Variants in EYS observed in about 807,000 individuals in gnomAD.
EYS encodes EGF-like photoreceptor maintenance factor.
EYS carries 250 observed loss-of-function variants against 282.1 expected under a neutral mutation model. The observed-to-expected ratio is 0.89, with a 90% CI of 0.80 to 0.98. The LOEUF is 0.98. Ranked by LOEUF, EYS falls within the 50% of genes least tolerant of loss-of-function variation. The pLI, the probability that EYS is intolerant of heterozygous loss-of-function variation, is 0.00. For synonymous variants in EYS, 1,355 were observed against 1,282.9 expected (o/e 1.06, Z -1.20); for missense variants, 4,016 against 3,709.0 (o/e 1.08, Z -2.15).
intron 12 of EYS, among the ~76,000 whole-genome samples, chr6:65,287,637 A>G (rs1011347099): frequency 1.1e-4 from 16 of 151,420 alleles, no homozygotes; most frequent in African/African-American, 3.9e-4. Context: ...AGATTCTGAA[A>G]AAAAACGAAA....
At chr6:64,970,290 A>G (rs969926708) in intron 14 of EYS, among the ~76,000 whole-genome samples, 1 of 152,178 alleles carries the variant, frequency 6.6e-6, no homozygotes. Context: ...CTAAGCAAAC[A>G]AACACAGATC....
At chr6:65,227,884 A>G (rs1766669788) in intron 12 of EYS, among the ~76,000 whole-genome samples, 1 of 152,134 alleles carries the variant, frequency 6.6e-6, no homozygotes, top group African/African-American at 2.4e-5. Context: ...AGAGACAGAA[A>G]ATAGAAGAGT....
intron 11 of EYS, among the ~76,000 whole-genome samples, chr6:65,320,524 G>A (rs1301684642): frequency 6.6e-6 from 1 of 152,170 alleles, no homozygotes; most frequent in Non-Finnish European, 1.5e-5. Flanking sequence ...TCACTGGGAA[G>A]AGATGCCTCT....
intron 13 of EYS, among the ~76,000 whole-genome samples, chr6:65,047,802 T>A (rs757440494): frequency 2.8e-4 from 42 of 151,874 alleles, no homozygotes; most frequent in Non-Finnish European, 5.3e-4. Context: ...AGAAATAGAA[T>A]GAGGTCTTTT....
intron 29 of EYS, among the ~76,000 whole-genome samples, chr6:64,347,182 A>C: frequency 6.6e-6 from 1 of 151,458 alleles, no homozygotes; most frequent in East Asian, 2.0e-4. Context: ...ATCAAATGAT[A>C]TTTCAGAAGT....
chr6:65,100,479 G>A (rs1774864257), intron 12 of EYS, among the ~76,000 whole-genome samples: 1 of 150,666 alleles, frequency 6.6e-6, no homozygotes, highest in South Asian at 2.1e-4. Context: ...TGCTATAATT[G>A]AGTATCACAT....
chr6:64,634,024 T>C (rs7773930), intron 22 of EYS, among the ~76,000 whole-genome samples: 90,522 of 151,984 alleles, frequency 0.6, 27,135 homozygotes, highest in South Asian at 0.69. Flanking sequence ...TGCTCTGACA[T>C]CCAGGCTGGA....
At chr6:64,758,491 C>T (rs968809755) in intron 22 of EYS, among the ~76,000 whole-genome samples, 1 of 151,986 alleles carries the variant, frequency 6.6e-6, no homozygotes, top group African/African-American at 2.4e-5. Context: ...AAAGAGTTTA[C>T]GACAATCCTC....
At chr6:64,221,420 TGG>T (rs1766098333) in intron 31 of EYS, among the ~76,000 whole-genome samples, 1 of 152,110 alleles carries the variant, frequency 6.6e-6, no homozygotes, top group Non-Finnish European at 1.5e-5. Flanking sequence ...TCTATTATCA[TGG>T]GATGATACAG....
chr6:65,522,263 C>A (rs1031211519), intron 2 of EYS, among the ~76,000 whole-genome samples: 1 of 151,970 alleles, frequency 6.6e-6, no homozygotes, highest in Non-Finnish European at 1.5e-5. Flanking sequence ...AATTATATAT[C>A]CCTCTGTAAT....
At chr6:65,121,702 T>C (rs933461962) in intron 12 of EYS, among the ~76,000 whole-genome samples, 12 of 152,168 alleles carry the variant, frequency 7.9e-5, no homozygotes, top group African/African-American at 2.9e-4. Flanking sequence ...TCTTAGAACA[T>C]TTTCTTCTCT....
chr6:63,911,481 CT>C (rs1764248267), intron 35 of EYS, among the ~76,000 whole-genome samples: 4 of 152,204 alleles, frequency 2.6e-5, no homozygotes, highest in Non-Finnish European at 5.9e-5. Flanking sequence ...GTATTCAGAA[CT>C]CCCACTGACA....
chr6:63,763,105 C>T (rs751068616), intron 40 of EYS, among the ~76,000 whole-genome samples: 44 of 151,998 alleles, frequency 2.9e-4, no homozygotes, highest in Non-Finnish European at 5.3e-4. Context: ...ACAAGTCAAA[C>T]GTGAGTGAAT....
intron 15 of EYS, among the ~76,000 whole-genome samples, chr6:64,936,435 A>T (rs968387935): frequency 6.6e-6 from 1 of 151,456 alleles, no homozygotes; most frequent in Non-Finnish European, 1.5e-5. Flanking sequence ...ATTGTACTGG[A>T]AGTTGTTGGG....
chr6:63,858,270 G>C (rs929552855), intron 36 of EYS, among the ~76,000 whole-genome samples: 1 of 152,116 alleles, frequency 6.6e-6, no homozygotes, highest in Non-Finnish European at 1.5e-5. Flanking sequence ...TATTTGGCTA[G>C]GCTGGTCTTG....
chr6:64,911,693 T>A (rs189653510), intron 16 of EYS, among the ~76,000 whole-genome samples: 9 of 152,264 alleles, frequency 5.9e-5, no homozygotes, highest in African/African-American at 1.9e-4. Context: ...ATTATGCTTA[T>A]GACACATCTA....
intron 33 of EYS, among the ~76,000 whole-genome samples, chr6:64,012,918 G>A (rs955230903): frequency 6.6e-6 from 1 of 152,158 alleles, no homozygotes; most frequent in African/African-American, 2.4e-5. Flanking sequence ...AGTACAAAGA[G>A]CTTTGTATAA....
chr6:65,429,646 C>G (rs1015045900), intron 5 of EYS, among the ~76,000 whole-genome samples: 1 of 151,980 alleles, frequency 6.6e-6, no homozygotes, highest in African/African-American at 2.4e-5. Flanking sequence ...ACACTATAAA[C>G]AAAGTGATAT....
intron 2 of EYS, among the ~76,000 whole-genome samples, chr6:65,630,165 C>T (rs1766861874): frequency 6.6e-6 from 1 of 152,204 alleles, no homozygotes; most frequent in Admixed American, 6.5e-5. Flanking sequence ...ATCTCCTGTT[C>T]TTCCCATGTC....
Sources: gnomAD v4.1 joint callset for allele counts (sites outside exome capture counted in the v4.1 genomes callset) on GRCh38, gnomAD v4.1.1 for gene constraint, MANE v1.5 for transcripts, NCBI Gene and HGNC (gene_info 2026-07-23, HGNC 2026-07-21) for gene names.